Variants in ZC3H12B observed in about 807,000 individuals in gnomAD.
ZC3H12B encodes zinc finger CCCH-type containing 12B, also known as probable ribonuclease ZC3H12B.
A neutral mutation model predicts 43.9 loss-of-function variants in ZC3H12B; 7 were observed. The observed-to-expected ratio is 0.16, with a 90% confidence interval of 0.09 to 0.30. The LOEUF is 0.30. ZC3H12B is among the 10% of genes least tolerant of loss of function. The probability of loss-of-function intolerance (pLI) is 1.00; values close to 1 mark genes in which losing one functional copy is unlikely to be tolerated. For missense variants in ZC3H12B, 475 were observed against 670.2 expected (o/e 0.71, Z 3.22); for synonymous variants, 222 against 241.7 (o/e 0.92, Z 0.76).
the ZC3H12B span, among the ~76,000 whole-genome samples, chrX:65,098,407 T>C: frequency 2.7e-5 from 3 of 111,077 alleles, no homozygotes; most frequent in Non-Finnish European, 5.7e-5. Context: ...GGAGACTGAC[T>C]GATAGGGGAT....
At chrX:65,162,076 A>T in the ZC3H12B span, among the ~76,000 whole-genome samples, 1 of 111,447 alleles carries the variant, frequency 9.0e-6, no homozygotes, top group South Asian at 3.8e-4. Flanking sequence ...CTTTTCTTTA[A>T]GAATGTTGAG....
At chrX:65,127,685 G>A in the ZC3H12B span, among the ~76,000 whole-genome samples, 1 of 110,870 alleles carries the variant, frequency 9.0e-6, no homozygotes, top group East Asian at 2.9e-4. Context: ...CTCTTCTTGG[G>A]CATGGCTTTC....
the ZC3H12B span, among the ~76,000 whole-genome samples, chrX:65,051,670 G>T: frequency 3.6e-5 from 4 of 111,695 alleles, no homozygotes; most frequent in Admixed American, 3.8e-4. Context: ...TTCAGCCTAA[G>T]ACTTTTTTTT....
At chrX:65,408,088 C>T in intron 3 of ZC3H12B, 1 of 1,192,551 alleles carries the variant, frequency 8.4e-7, no homozygotes, top group Non-Finnish European at 1.1e-6. Flanking sequence ...GCGCGATGTT[C>T]CCGCAGAGCC....
At chrX:65,259,344 A>T in the ZC3H12B span, among the ~76,000 whole-genome samples, 115 of 112,429 alleles carry the variant, frequency 1.0e-3, no homozygotes, top group East Asian at 0.031. Flanking sequence ...TTGTGCTGAG[A>T]TAACTGTATA....
intron 3 of ZC3H12B, among the ~76,000 whole-genome samples, chrX:65,475,897 G>A (rs752636033): frequency 1.8e-5 from 2 of 111,924 alleles, no homozygotes; most frequent in African/African-American, 3.2e-5. Context: ...TGACACATGG[G>A]GATTATTACA....
At chrX:65,213,002 T>G in the ZC3H12B span, among the ~76,000 whole-genome samples, 1 of 108,460 alleles carries the variant, frequency 9.2e-6, no homozygotes, top group Non-Finnish European at 1.9e-5. Context: ...TTTTCTTGGT[T>G]TTTGAATTTT....
At chrX:65,052,278 G>T in the ZC3H12B span, among the ~76,000 whole-genome samples, 1 of 111,121 alleles carries the variant, frequency 9.0e-6, no homozygotes, top group Non-Finnish European at 1.9e-5. Context: ...ATGGAGAATA[G>T]GGTATATATC....
At chrX:65,299,583 A>T in the ZC3H12B span, among the ~76,000 whole-genome samples, 1 of 112,028 alleles carries the variant, frequency 8.9e-6, no homozygotes, top group African/African-American at 3.2e-5. Flanking sequence ...TCAAAGATGG[A>T]TTGCCCTAGG....
At chrX:65,158,264 T>G in the ZC3H12B span, among the ~76,000 whole-genome samples, 7 of 111,112 alleles carry the variant, frequency 6.3e-5, no homozygotes, top group South Asian at 3.8e-4. Flanking sequence ...GCAGCATGAT[T>G]TACAGTTCTT....
chrX:65,327,731 G>A, the ZC3H12B span, among the ~76,000 whole-genome samples: 2 of 111,391 alleles, frequency 1.8e-5, no homozygotes, highest in Non-Finnish European at 3.8e-5. Context: ...CATAAACTGG[G>A]CAATAAAACA....
chrX:65,176,343 C>T, the ZC3H12B span, among the ~76,000 whole-genome samples: 1 of 111,975 alleles, frequency 8.9e-6, no homozygotes, highest in Non-Finnish European at 1.9e-5. Context: ...TCTCTAGATT[C>T]CTCCTCTCTG....
At chrX:65,420,419 C>T (rs771134851) in intron 3 of ZC3H12B, among the ~76,000 whole-genome samples, 1 of 112,440 alleles carries the variant, frequency 8.9e-6, no homozygotes, top group Non-Finnish European at 1.9e-5. Flanking sequence ...CTTGTAGAAC[C>T]TACCAGATAG....
At chrX:65,120,254 C>T in the ZC3H12B span, among the ~76,000 whole-genome samples, 2 of 111,759 alleles carry the variant, frequency 1.8e-5, no homozygotes, top group Non-Finnish European at 3.8e-5. Flanking sequence ...GCCATTTTCA[C>T]GATATTGATT....
chrX:65,046,182 A>G, the ZC3H12B span, among the ~76,000 whole-genome samples: 2 of 111,727 alleles, frequency 1.8e-5, no homozygotes, highest in Non-Finnish European at 3.8e-5. Flanking sequence ...TTAGCCCATA[A>G]CAGGAGATTC....
rs58372328 is a variant in ZC3H12B, at chrX:65,472,825, G to GATATATATATAT, written n.408-15798_408-15787dup. 7.3e-3 allele frequency among the ~76,000 whole-genome samples: 229 copies of GATATATATATAT among 31,548 alleles called. 7 individuals are homozygous for GATATATATATAT. The highest frequency in any genetic ancestry group is 0.038 in the African/African-American group (177 of 4,654). The allele number at this position is 31,548 out of a possible 115,157, so 27.4% of individuals were successfully genotyped here. ...ATACTGTTTTGATTACCATACCTTTGATATATATATATATATATATATATA... is the reference window on the plus strand; with the variant it reads ...ATACTGTTTTGATTACCATACCTTTGATATATATATATATATATATATATATATATATATATA... On this transcript the variant is annotated intron_variant and non_coding_transcript_variant, in intron 3 of 5. Transcript: ENST00000617377.
At chrX:65,379,431 G>C (rs916959863) in intron 2 of ZC3H12B, among the ~76,000 whole-genome samples, 5 of 111,688 alleles carry the variant, frequency 4.5e-5, no homozygotes, top group African/African-American at 1.6e-4. Flanking sequence ...AAACAGAAAG[G>C]ACATCCACAC....
the ZC3H12B span, among the ~76,000 whole-genome samples, chrX:65,243,812 T>C: frequency 8.9e-6 from 1 of 111,928 alleles, no homozygotes. Context: ...AGTTTTTTTT[T>C]ATTTTCAGCA....
At chrX:65,390,590 G>A (rs1041594197) in intron 2 of ZC3H12B, among the ~76,000 whole-genome samples, 1 of 111,218 alleles carries the variant, frequency 9.0e-6, no homozygotes, top group African/African-American at 3.3e-5. Flanking sequence ...CATATTCTTA[G>A]AGAATAAGAA....
Sources: gnomAD v4.1 joint callset for allele counts (sites outside exome capture counted in the v4.1 genomes callset) on GRCh38, gnomAD v4.1.1 for gene constraint, MANE v1.5 for transcripts, NCBI Gene and HGNC (gene_info 2026-07-23, HGNC 2026-07-21) for gene names.